Variants in ZBTB38 observed in about 807,000 individuals in gnomAD.
The protein encoded by ZBTB38 is zinc finger and BTB domain containing 38, also known as zinc finger and BTB domain-containing protein 38.
A neutral mutation model predicts 76.8 loss-of-function variants in ZBTB38; 20 were observed. That is an observed-to-expected ratio of 0.26 (90% CI 0.18 to 0.38). The LOEUF (loss-of-function observed/expected upper bound fraction) is 0.38, where lower values mean the gene tolerates loss of function less well. ZBTB38 is among the 10% of genes least tolerant of loss of function. ZBTB38 has a pLI of 1.00. For missense variants in ZBTB38, 1,082 were observed against 1,482.3 expected, an observed-to-expected ratio of 0.73 and a Z score of 4.43; for synonymous variants, 504 against 544.2, an observed-to-expected ratio of 0.93 and a Z score of 1.03.
chr3:141,324,630 G>T (rs542441157), intron 1 of ZBTB38, among the ~76,000 whole-genome samples: 3 of 152,248 alleles, frequency 2.0e-5, no homozygotes, highest in African/African-American at 7.2e-5. Context: ...TGATTCCCCA[G>T]CATCTAGCGT....
upstream of ZBTB38, among the ~76,000 whole-genome samples, chr3:141,367,999 A>G (rs1449308058): frequency 6.6e-6 from 1 of 152,236 alleles, no homozygotes. Flanking sequence ...GCCACAGCAC[A>G]GAGGCAGAGG....
chr3:141,377,878 C>A (rs1476973746), intron 2 of ZBTB38, among the ~76,000 whole-genome samples: 1 of 152,120 alleles, frequency 6.6e-6, no homozygotes, highest in African/African-American at 2.4e-5. Flanking sequence ...AGAGAACGTT[C>A]TTGGACTGAC....
At chr3:141,356,164 A>C (rs576886360) in intron 1 of ZBTB38, among the ~76,000 whole-genome samples, 1 of 152,112 alleles carries the variant, frequency 6.6e-6, no homozygotes, top group African/African-American at 2.4e-5. Context: ...GTTCTGAAAG[A>C]GGAGCCATGG....
intron 1 of ZBTB38, among the ~76,000 whole-genome samples, chr3:141,345,469 G>A (rs938917768): frequency 3.3e-5 from 5 of 152,192 alleles, no homozygotes; most frequent in East Asian, 1.9e-4. Context: ...GCTTCTGCTC[G>A]GCCTGCAGCT....
At position 141,449,758 on chromosome 3, in the gene ZBTB38, T is replaced by C. The variant is rs2081362701; in HGVS notation, c.*3782T>C. ...CAACAGATTTAATATTGAAAGCATCTGTAACAATTGGGAAAGTAAAAGCAT... is the reference window on the plus strand; with the variant it reads ...CAACAGATTTAATATTGAAAGCATCCGTAACAATTGGGAAAGTAAAAGCAT... On this transcript the variant is annotated 3_prime_UTR_variant, in exon 6 of 6. Coordinates refer to ENST00000321464, the MANE Select transcript of ZBTB38 (RefSeq NM_001376113.1). The C allele has an allele frequency of 6.6e-6, 1 of 152,242 alleles. No individual in the cohort carries two copies. The highest frequency in any genetic ancestry group is 2.1e-4 in the South Asian group (1 of 4,828). 9.4% of individuals were successfully genotyped at this position (152,242 alleles called of 1,614,324 possible).
At chr3:141,348,584 A>C (rs1943431207) in intron 1 of ZBTB38, among the ~76,000 whole-genome samples, 1 of 152,190 alleles carries the variant, frequency 6.6e-6, no homozygotes, top group Non-Finnish European at 1.5e-5. Context: ...CCTCAACTAA[A>C]GCAAGTCAAT....
In ZBTB38 at chr3:141,444,386, T is replaced by C; in HGVS notation, c.1998T>C (p.Asn666=). 6.2e-7 allele frequency: 1 copy of C among 1,614,042 alleles called. No homozygotes were observed. Among genetic ancestry groups the C allele is most frequent in the Non-Finnish European group, 8.5e-7 (1 of 1,180,016 alleles). ...GEEALKMDLD[N]NFYSTEVSVS... ...AGGCATTGAAAATGGATCTTGACAATAACTTTTATTCAACTGAGGTGTCAG... is the reference window on the plus strand; with the variant it reads ...AGGCATTGAAAATGGATCTTGACAACAACTTTTATTCAACTGAGGTGTCAG... Residue 666 remains asparagine, a synonymous_variant, in exon 6 of 6, where the codon AAT becomes AAC. Coordinates refer to ENST00000321464, the MANE Select transcript of ZBTB38 (RefSeq NM_001376113.1). This position sits in a 1 kb window ranked among gnomAD's most constrained non-coding sequence, Gnocchi z 5.1.
At chr3:141,335,400 A>C (rs2148891709) in intron 1 of ZBTB38, among the ~76,000 whole-genome samples, 1 of 152,244 alleles carries the variant, frequency 6.6e-6, no homozygotes, top group East Asian at 1.9e-4. Flanking sequence ...AACAAATGAA[A>C]TCAACTTCCT....
chr3:141,356,002 A>G (rs1276795546), intron 1 of ZBTB38, among the ~76,000 whole-genome samples: 2 of 145,706 alleles, frequency 1.4e-5, no homozygotes, highest in Admixed American at 1.4e-4. Context: ...GCAGCAGTAA[A>G]AAGGACACCA....
intron 2 of ZBTB38, among the ~76,000 whole-genome samples, chr3:141,371,818 T>C (rs984269031): frequency 6.6e-6 from 1 of 152,214 alleles, no homozygotes; most frequent in South Asian, 2.1e-4. Flanking sequence ...AAGTTTAACA[T>C]TTTATGTAAC....
At chr3:141,431,996 G>A (rs929651821) in intron 5 of ZBTB38, 10 of 703,204 alleles carry the variant, frequency 1.4e-5, no homozygotes, top group Non-Finnish European at 8.7e-6. Flanking sequence ...ATCTGTTTTC[G>A]AGATCTGATG....
intron 2 of ZBTB38, among the ~76,000 whole-genome samples, chr3:141,373,385 G>A (rs1944915150): frequency 1.3e-5 from 2 of 152,210 alleles, no homozygotes; most frequent in Admixed American, 1.3e-4. Context: ...GCCATGATGA[G>A]CAGATGTGGA....
rs111520260 is a variant in ZBTB38 at position 141,410,375 on chromosome 3, G to A, written c.-1+6344G>A. ...AATTTAATGCTTACAAGGAACCTGGGAAATAAACTAGCCCGACCTCTTTGC... is the reference window on the plus strand; with the variant it reads ...AATTTAATGCTTACAAGGAACCTGGAAAATAAACTAGCCCGACCTCTTTGC... On this transcript the variant is annotated intron_variant, in intron 5 of 5. Transcript: ENST00000321464. Among the ~76,000 whole-genome samples the A allele has an allele frequency of 7.4e-4, 112 of 152,268 alleles. 2 individuals are homozygous for A. The highest frequency in any genetic ancestry group is 2.6e-3 in the African/African-American group (107 of 41,560).
At chr3:141,327,853 A>G (rs1361799302) in intron 1 of ZBTB38, among the ~76,000 whole-genome samples, 1 of 152,254 alleles carries the variant, frequency 6.6e-6, no homozygotes. Flanking sequence ...GTTTATTTTA[A>G]AAATATATAA....
upstream of ZBTB38, chr3:141,366,480 A>C (rs967755140): frequency 6.6e-6 from 1 of 152,228 alleles, no homozygotes; most frequent in Non-Finnish European, 1.5e-5. Context: ...CTGACAGTGA[A>C]CCTGATCAGT....
At chr3:141,421,277 TC>T (rs1170289491) in intron 5 of ZBTB38, among the ~76,000 whole-genome samples, 5 of 145,006 alleles carry the variant, frequency 3.4e-5, no homozygotes. Context: ...GAAACTTCTC[TC>T]TTTTTTTTTT....
At chr3:141,325,315 G>A (rs1223633459) in intron 1 of ZBTB38, among the ~76,000 whole-genome samples, 2 of 152,208 alleles carry the variant, frequency 1.3e-5, no homozygotes, top group Admixed American at 1.3e-4. Context: ...AATAAATTAA[G>A]AAAATTAGCA....
chr3:141,359,789 G>A (rs1315701823), intron 1 of ZBTB38, among the ~76,000 whole-genome samples: 1 of 151,816 alleles, frequency 6.6e-6, no homozygotes, highest in East Asian at 1.9e-4. Flanking sequence ...AAATTAGCCA[G>A]GCATGGTGGT....
chr3:141,425,952 T>C (rs1215469565), intron 5 of ZBTB38, among the ~76,000 whole-genome samples: 1 of 152,228 alleles, frequency 6.6e-6, no homozygotes, highest in Non-Finnish European at 1.5e-5. Flanking sequence ...TGGAATGATA[T>C]AAATGCAGTG....
Sources: gnomAD v4.1 joint callset for allele counts (sites outside exome capture counted in the v4.1 genomes callset) on GRCh38, gnomAD v4.1.1 for gene constraint, Gnocchi (gnomAD v3.1) non-coding constraint, MANE v1.5 for transcripts, NCBI Gene and HGNC (gene_info 2026-07-23, HGNC 2026-07-21) for gene names.